TRIM33: variants seen among roughly 807,000 people sequenced by gnomAD.
The protein encoded by TRIM33 is E3 ubiquitin-protein ligase TRIM33.
In TRIM33, 20 loss-of-function variants were observed where a neutral mutation model predicts 125.4. The observed-to-expected ratio is 0.16, with a 90% CI of 0.11 to 0.23. TRIM33 has a LOEUF of 0.23. Ranked by LOEUF, TRIM33 falls within the 10% of genes least tolerant of loss-of-function variation. The probability of loss-of-function intolerance (pLI) is 1.00; values close to 1 mark genes in which losing one functional copy is unlikely to be tolerated. For missense variants in TRIM33, 920 were observed against 1,411.4 expected (o/e 0.65, Z 5.58); for synonymous variants, 564 against 513.9 (o/e 1.10, Z -1.32).
chr1:114,469,009 G>A, intron 1 of TRIM33: 1 of 225,632 alleles, frequency 4.4e-6, no homozygotes. Flanking sequence ...CAAACATCTT[G>A]CATTTTTGTT....
At chr1:114,403,546 T>C (rs192621008) in intron 15 of TRIM33, among the ~76,000 whole-genome samples, 108 of 151,724 alleles carry the variant, frequency 7.1e-4, no homozygotes, top group African/African-American at 2.5e-3. Context: ...GATTTTTCTA[T>C]TTTTTTTGAG....
chr1:114,449,034 GA>G (rs1309337647), intron 4 of TRIM33, among the ~76,000 whole-genome samples: 1 of 151,924 alleles, frequency 6.6e-6, no homozygotes, highest in African/African-American at 2.4e-5. Flanking sequence ...CTGAGTTAGG[GA>G]AAAAAACCTT....
Position 114,415,378 on chromosome 1 carries a change from C to A in TRIM33, c.2062-5062G>T, listed in dbSNP as rs180752520. The stretch of plus-strand genomic sequence containing the variant: ...AATCTGACCTCCGATTTGAAATTAT[C>A]ATCTACAGTATACCTAACTGCTTTG... On this transcript the variant is annotated intron_variant, in intron 11 of 19. Transcript: ENST00000358465. 6.6e-4 allele frequency among the ~76,000 whole-genome samples: 101 copies of A among 152,268 alleles called. No individual in the cohort carries two copies. In the East Asian group the frequency reaches 0.017, roughly 26 times the overall value.
intron 11 of TRIM33, among the ~76,000 whole-genome samples, chr1:114,415,091 C>T (rs1030674358): frequency 6.8e-6 from 1 of 147,746 alleles, no homozygotes; most frequent in African/African-American, 2.5e-5. Flanking sequence ...ATCCCCTGGG[C>T]TAAAGGGATC....
chr1:114,476,617 A>T (rs71664847), intron 1 of TRIM33, among the ~76,000 whole-genome samples: 22,228 of 152,148 alleles, frequency 0.15, 1,907 homozygotes, highest in Non-Finnish European at 0.19. Flanking sequence ...GAATCTAATG[A>T]AGAGAAAAAA....
intron 4 of TRIM33, among the ~76,000 whole-genome samples, chr1:114,447,744 A>G (rs1045311775): frequency 2.6e-5 from 4 of 152,238 alleles, no homozygotes; most frequent in Non-Finnish European, 5.9e-5. Flanking sequence ...AAATGAAAAC[A>G]ATGTGTTCTT....
Position 114,442,763 on chromosome 1 carries a change from T to C in TRIM33, c.924-9030A>G, listed in dbSNP as rs79065022. Among the ~76,000 whole-genome samples the C allele has an allele frequency of 3.8e-4, 55 of 145,494 alleles. No individual in the cohort carries two copies. In the East Asian group the frequency reaches 7.4e-3, roughly 19 times the overall value. Reference sequence around the variant, plus strand: ...TTTACGGAAGAACTAAAAAAGTGAGTTTCAGCAAAGGTTCTTTTAAAGCTA... The same window carrying C: ...TTTACGGAAGAACTAAAAAAGTGAGCTTCAGCAAAGGTTCTTTTAAAGCTA... On this transcript the variant is annotated intron_variant, in intron 4 of 19. Coordinates refer to ENST00000358465, the MANE Select transcript of TRIM33 (RefSeq NM_015906.4).
chr1:114,408,763 G>A (rs759134227), intron 12 of TRIM33, 23 bp from the exon 13 acceptor site: 9 of 1,463,192 alleles, frequency 6.2e-6, no homozygotes, highest in South Asian at 5.9e-5. Context: ...AAGTCAAAAT[G>A]AATATCAATG....
intron 11 of TRIM33, among the ~76,000 whole-genome samples, chr1:114,418,389 C>A (rs1468746998): frequency 6.6e-6 from 1 of 152,172 alleles, no homozygotes; most frequent in African/African-American, 2.4e-5. Flanking sequence ...GTGAAAGAGT[C>A]GGGGAGGATC....
At chr1:114,423,951 G>A (rs1647376568) in intron 10 of TRIM33, among the ~76,000 whole-genome samples, 1 of 151,964 alleles carries the variant, frequency 6.6e-6, no homozygotes, top group Non-Finnish European at 1.5e-5. Flanking sequence ...TTTAAAACAT[G>A]TTTTGAGAAA....
chr1:114,494,402 A>G (rs1269196681), intron 1 of TRIM33, among the ~76,000 whole-genome samples: 2 of 152,184 alleles, frequency 1.3e-5, no homozygotes, highest in Non-Finnish European at 2.9e-5. Context: ...CTGGATGAGG[A>G]TAAGGAGTGG....
intron 1 of TRIM33, among the ~76,000 whole-genome samples, chr1:114,490,172 AC>A (rs1651979800): frequency 6.6e-6 from 1 of 151,918 alleles, no homozygotes; most frequent in Non-Finnish European, 1.5e-5. Context: ...GAACATCCAG[AC>A]TATCATAAAG....
chr1:114,438,170 T>C (rs768866632), intron 4 of TRIM33, among the ~76,000 whole-genome samples: 16 of 152,210 alleles, frequency 1.1e-4, no homozygotes, highest in Non-Finnish European at 1.9e-4. Flanking sequence ...CCTACTACTC[T>C]ACTTGCCAAG....
intron 1 of TRIM33, among the ~76,000 whole-genome samples, chr1:114,481,112 G>A (rs1415896329): frequency 6.6e-6 from 1 of 151,932 alleles, no homozygotes; most frequent in Non-Finnish European, 1.5e-5. Flanking sequence ...GACGGAGGTT[G>A]CAATGAGCCA....
intron 1 of TRIM33, among the ~76,000 whole-genome samples, chr1:114,480,435 C>T (rs1325795443): frequency 4.8e-5 from 7 of 146,384 alleles, no homozygotes; most frequent in Non-Finnish European, 8.9e-5. Flanking sequence ...TATGACCCTG[C>T]CAAATCCCCC....
chr1:114,501,784 CA>C lies in TRIM33; in HGVS notation c.526+8766del, dbSNP rs1166484814. 3.4e-5 allele frequency among the ~76,000 whole-genome samples: 5 copies of C among 148,508 alleles called. No individual in the cohort carries two copies. In the Admixed American group the frequency reaches 3.4e-4, roughly 10 times the overall value. On this transcript the variant is annotated intron_variant, in intron 1 of 19. Coordinates refer to ENST00000358465, the MANE Select transcript of TRIM33 (RefSeq NM_015906.4). ...GCAATCTAAAGAAAAACATAAAACA[CA>C]TGGACAAATAATTCACAAAAGGAAC...
chr1:114,471,544 T>C (rs1480067143), intron 1 of TRIM33, among the ~76,000 whole-genome samples: 1 of 151,260 alleles, frequency 6.6e-6, no homozygotes, highest in Non-Finnish European at 1.5e-5. Context: ...AGAAGCAAAT[T>C]AGTAGTCTGC....
chr1:114,481,689 A>ATG (rs1491112340), intron 1 of TRIM33, among the ~76,000 whole-genome samples: 3 of 142,134 alleles, frequency 2.1e-5, no homozygotes, highest in East Asian at 3.9e-4. Flanking sequence ...ATATATATAT[A>ATG]TGTGTGTATA....
At position 114,395,177 on chromosome 1, in the gene TRIM33, A is replaced by ATTTTT. The variant is rs1268232513; in HGVS notation, c.*2470_*2471insAAAAA. ...GTGTGCAAGAAAAAAGCTTTAATAA[A>ATTTTT]AAATCTAAAGTGAATACCTTAATTT... On this transcript the variant is annotated 3_prime_UTR_variant, in exon 20 of 20. Transcript: ENST00000358465. 2 of 203,472 alleles carry ATTTTT rather than the reference A, an allele frequency of 9.8e-6. No homozygotes were observed. Among genetic ancestry groups the ATTTTT allele is most frequent in the East Asian group, 1.5e-4 (2 of 13,126 alleles). The allele number at this position is 203,472 out of a possible 1,614,324, so 12.6% of individuals were successfully genotyped here. A position where few individuals can be genotyped will look rare whatever the true frequency, so the allele number is the denominator to read the frequency against.
Sources: allele counts gnomAD v4.1 joint callset (sites outside exome capture counted in the v4.1 genomes callset), GRCh38; gene constraint gnomAD v4.1.1; transcripts MANE v1.5; gene names NCBI Gene and HGNC (gene_info 2026-07-23, HGNC 2026-07-21).